SET: variants seen among roughly 807,000 people sequenced by gnomAD.
SET encodes the protein protein SET.
In SET, 4 loss-of-function variants were observed where a neutral mutation model predicts 39.0. The ratio of observed to expected loss-of-function variants is 0.10; its 90% CI spans 0.05 to 0.23. The LOEUF is 0.23. Among genes scored for constraint, SET ranks in the 10% least tolerant of loss-of-function variants. The pLI is 1.00. For synonymous variants in SET, 114 were observed against 115.9 expected (o/e 0.98, Z 0.11); for missense variants, 137 against 329.7 (o/e 0.42, Z 4.53).
chr9:128,694,441 G>A (rs575123287), intron 7 of SET, among the ~76,000 whole-genome samples, 200 bp from the exon 8 acceptor site: 3 of 152,224 alleles, frequency 2.0e-5, no homozygotes, highest in Admixed American at 6.5e-5. Flanking sequence ...TATTTGATCC[G>A]AAATATACCT....
chr9:128,691,761 T>G (rs1421561384), intron 2 of SET, 97 bp from the exon 3 acceptor site: 1 of 1,211,020 alleles, frequency 8.3e-7, no homozygotes, highest in Non-Finnish European at 1.1e-6. Flanking sequence ...TTATTTTGCA[T>G]GACTCAAGCT....
exon 1 of SET, chr9:128,683,686 A>G (rs2132231065): frequency 2.0e-6 from 1 of 493,194 alleles, no homozygotes; most frequent in Middle Eastern, 5.5e-4. Context: ...GAGAGCAACT[A>G]AAAGAAATTT....
chr9:128,685,159 T>C (rs749141263), upstream of SET: 18 of 1,588,514 alleles, frequency 1.1e-5, no homozygotes, highest in Non-Finnish European at 4.3e-6. Context: ...TCAGTCCCTT[T>C]TCCTCCACAT....
upstream of SET, among the ~76,000 whole-genome samples, chr9:128,684,625 G>C (rs549390518): frequency 6.6e-6 from 1 of 151,906 alleles, no homozygotes; most frequent in African/African-American, 2.4e-5. Flanking sequence ...TCACACTTCT[G>C]AGACTCCCCA....
chr9:128,684,329 C>T (rs1861216655), upstream of SET, among the ~76,000 whole-genome samples: 1 of 152,118 alleles, frequency 6.6e-6, no homozygotes, highest in African/African-American at 2.4e-5. Flanking sequence ...TTCACCCCTC[C>T]ACATCCAGCC....
chr9:128,692,779 A>AC lies in SET; in HGVS notation c.378+15dup. 2 of 1,572,788 alleles carry AC rather than the reference A, an allele frequency of 1.3e-6. No homozygotes were observed. Among genetic ancestry groups the AC allele is most frequent in the Non-Finnish European group, 1.8e-6 (2 of 1,142,444 alleles). ...AGAATAGATTTTGTAAGTATCTCTA[A>AC]CTTAATCTTGTTTGCCACTGTGGAA... On this transcript the variant is annotated intron_variant, in intron 4 of 7. Transcript: ENST00000322030.
chr9:128,689,371 G>A lies in SET; in HGVS notation c.-212G>A, dbSNP rs1861410983. On this transcript the variant is annotated 5_prime_UTR_variant, in exon 1 of 8. Coordinates refer to ENST00000322030, the MANE Select transcript of SET (RefSeq NM_003011.4). ...CGAACAGGAGCCCGGGCCGGGGCCC[G>A]GCACGCCGCCCCAGCCCGTCCCTCG... 9.9e-7 allele frequency: 1 copy of A among 1,007,832 alleles called. No individual in the cohort carries two copies. Among genetic ancestry groups the A allele is most frequent in the Non-Finnish European group, 1.2e-6 (1 of 828,368 alleles). 62.4% of individuals were successfully genotyped at this position (1,007,832 alleles called of 1,614,324 possible).
At chr9:128,684,617 A>T (rs1861227999), upstream of SET, among the ~76,000 whole-genome samples, 1 of 151,350 alleles carries the variant, frequency 6.6e-6, no homozygotes, top group African/African-American at 2.4e-5. Flanking sequence ...CTCCTGGTTC[A>T]CACTTCTGAG....
chr9:128,689,948 C>A, intron 1 of SET: 1 of 345,692 alleles, frequency 2.9e-6, no homozygotes, highest in Non-Finnish European at 4.1e-6. Context: ...TCCTCCCCCT[C>A]CCTCCCTCCC....
upstream of SET, among the ~76,000 whole-genome samples, chr9:128,688,009 T>C (rs912112157): frequency 2.6e-5 from 4 of 152,110 alleles, no homozygotes; most frequent in Admixed American, 2.6e-4. Context: ...CCCAGGTCAG[T>C]AGACCAGCCT....
chr9:128,689,921 T>TCCCCCCTCCCTCGCTCTCCTCC (rs1861454365), intron 1 of SET: 1 of 102,064 alleles, frequency 9.8e-6, no homozygotes, highest in African/African-American at 3.7e-5. Context: ...CCCCTTCCTC[T>TCCCCCCTCCCTCGCTCTCCTCC]CCCCCCTCCC....
chr9:128,685,080 T>G (rs913946701), upstream of SET: 6 of 1,536,222 alleles, frequency 3.9e-6, no homozygotes, highest in Non-Finnish European at 5.3e-6. Context: ...GCAACTCTTA[T>G]GGAAGAAGCA....
Position 128,689,372 on chromosome 9 carries a change from G to T in SET, c.-211G>T. ...GAACAGGAGCCCGGGCCGGGGCCCG[G>T]CACGCCGCCCCAGCCCGTCCCTCGG... On this transcript the variant is annotated 5_prime_UTR_variant, in exon 1 of 8. Coordinates refer to ENST00000322030, the MANE Select transcript of SET (RefSeq NM_003011.4). The T allele has an allele frequency of 1.0e-6, 1 of 989,236 alleles. No homozygotes were observed. The highest frequency in any genetic ancestry group is 1.2e-6 in the Non-Finnish European group (1 of 817,002). The allele number at this position is 989,236 out of a possible 1,614,324, so 61.3% of individuals were successfully genotyped here.
upstream of SET, chr9:128,689,170 C>G (rs979867728): frequency 4.2e-6 from 3 of 717,740 alleles, no homozygotes; most frequent in Non-Finnish European, 5.1e-6. Flanking sequence ...GCCTCCCCGG[C>G]CGGAGGCGGA....
chr9:128,689,519 C>T lies in SET; in HGVS notation c.-64C>T. ...GTGTGGCGTGAGGGGAAGCCGCTTG[C>T]CCGCCCCCTTCGCCTTCCCTTCTCT... On this transcript the variant is annotated 5_prime_UTR_variant, in exon 1 of 8. Coordinates refer to ENST00000322030, the MANE Select transcript of SET (RefSeq NM_003011.4). 1.2e-6 allele frequency: 1 copy of T among 814,324 alleles called. No homozygotes were observed. The allele number at this position is 814,324 out of a possible 1,614,324, so 50.4% of individuals were successfully genotyped here.
chr9:128,691,244 T>C lies in SET; in HGVS notation c.131+17T>C, dbSNP rs868172447. 1.9e-6 allele frequency: 3 copies of C among 1,540,360 alleles called. No homozygotes were observed. The highest frequency in any genetic ancestry group is 2.2e-5 in the East Asian group (1 of 44,496). ...AATAGACAGGTAACATTTTTCTTAA[T>C]ATACTTCGGAGAAATTTTCTGAGAT... On this transcript the variant is annotated intron_variant, in intron 2 of 7. Coordinates refer to ENST00000322030, the MANE Select transcript of SET (RefSeq NM_003011.4).
At chr9:128,687,634 AAAAAG>A (rs1220767954), upstream of SET, among the ~76,000 whole-genome samples, 2 of 151,902 alleles carry the variant, frequency 1.3e-5, no homozygotes, top group Non-Finnish European at 2.9e-5. Flanking sequence ...AAAAAAAAAA[AAAAAG>A]AGCCAATGGT....
At chr9:128,685,993 C>G (rs147319079), upstream of SET, among the ~76,000 whole-genome samples, 1 of 151,854 alleles carries the variant, frequency 6.6e-6, no homozygotes, top group East Asian at 1.9e-4. Context: ...TGCCATTGCA[C>G]TCCAGCCTGG....
rs1483924753 is a variant in SET, at chr9:128,696,024, C to G, written c.*1360C>G. 1 of 225,412 alleles carries G rather than the reference C, an allele frequency of 4.4e-6. No homozygotes were observed. Among genetic ancestry groups the G allele is most frequent in the Non-Finnish European group, 8.9e-6 (1 of 112,524 alleles). 14.0% of individuals were successfully genotyped at this position (225,412 alleles called of 1,614,324 possible). On this transcript the variant is annotated 3_prime_UTR_variant, in exon 8 of 8. Transcript: ENST00000322030. ...GTCTGATGGTGAGCAGTAACTGTCC[C>G]TGCTTTCTGGTATAAAGCTCTCAAA...
Sources: allele counts gnomAD v4.1 joint callset (sites outside exome capture counted in the v4.1 genomes callset), GRCh38; gene constraint gnomAD v4.1.1; transcripts MANE v1.5; gene names NCBI Gene and HGNC (gene_info 2026-07-23, HGNC 2026-07-21).